RBM14: variants seen among roughly 807,000 people sequenced by gnomAD.
The protein encoded by RBM14 is RNA binding motif protein 14.
A neutral mutation model predicts 52.8 loss-of-function variants in RBM14; 5 were observed. The ratio of observed to expected loss-of-function variants is 0.09; its 90% CI spans 0.05 to 0.20. RBM14 has a LOEUF of 0.20. RBM14 is among the 10% of genes least tolerant of loss of function. RBM14 has a pLI of 1.00. For missense variants in RBM14, 780 were observed against 926.6 expected, an observed-to-expected ratio of 0.84 and a Z score of 2.05; for synonymous variants, 411 against 401.8, an observed-to-expected ratio of 1.02 and a Z score of -0.28.
Position 66,625,464 on chromosome 11 carries a change from G to T in RBM14, c.1588G>T (p.Ala530Ser). 2 of 1,613,382 alleles carry T rather than the reference G, an allele frequency of 1.2e-6. No homozygotes were observed. Among genetic ancestry groups the T allele is most frequent in the Non-Finnish European group, 1.7e-6 (2 of 1,179,878 alleles). Residue 530 changes from alanine to serine, a missense_variant, in exon 2 of 3, where the codon GCC (alanine) becomes TCC (serine). By Grantham distance (99) the Ala-to-Ser change is moderately conservative. Transcript: ENST00000310137. This position sits in a 1 kb window ranked among gnomAD's most constrained non-coding sequence, Gnocchi z 4.2. ...SSASLAASYA[A>S]QQHPQAAASY... ...AGCCTCATTGGCTGCTTCCTATGCT[G>T]CCCAGCAGCATCCCCAGGCTGCTGC...
Position 66,624,761 on chromosome 11 carries a change from G to T in RBM14, c.885G>T (p.Gln295His), listed in dbSNP as rs757031079. The change falls in exon 2 of 3, where the codon CAG (glutamine) becomes CAT (histidine). Residue 295 changes from glutamine (Q) to histidine (H), a missense_variant. This residue lies in a region of RBM14 where 675 missense variants were observed against 697.3 expected (regional missense o/e 0.97). Coordinates refer to ENST00000310137, the MANE Select transcript of RBM14 (RefSeq NM_006328.4). This position sits in a 1 kb window ranked among gnomAD's most constrained non-coding sequence, Gnocchi z 4.7. ...YRGQLASPSS[Q>H]SAAASSLGPY... ...GCCAGCTGGCTAGTCCTAGCTCCCA[G>T]TCTGCTGCAGCTTCTTCACTCGGCC... 1.9e-6 allele frequency: 3 copies of T among 1,613,948 alleles called. No individual in the cohort carries two copies. The Admixed American group carries it at 5.0e-5, about 27-fold the overall frequency.
rs762771390 is a variant in RBM14 at position 66,625,643 on chromosome 11, C to G, written c.1767C>G (p.Asp589Glu). 1 of 1,612,456 alleles carries G rather than the reference C, an allele frequency of 6.2e-7. No homozygotes were observed. Among genetic ancestry groups the G allele is most frequent in the Non-Finnish European group, 8.5e-7 (1 of 1,179,976 alleles). ...TCTCCCCACCCCGGGCCAGCTACGA[C>G]GATCCCTACAAAAAGGCTGTCGCCA... ...TRLSPPRASY[D>E]DPYKKAVAMS... Residue 589 changes from aspartate (D) to glutamate (E), a missense_variant, in exon 2 of 3, where the codon GAC becomes GAG. Around this residue, in one of 4 missense-constraint regions of RBM14, gnomAD observed 675 missense variants for 697.3 expected, o/e 0.97. Transcript: ENST00000310137. This position sits in a 1 kb window ranked among gnomAD's most constrained non-coding sequence, Gnocchi z 4.2.
chr11:66,627,160 T>A lies in RBM14; in HGVS notation c.*492T>A, dbSNP rs1283702258. Reference sequence around the variant, plus strand: ...CCCTCTGTAGACTGTTGAGACTGAGTTCCTGTTGGGACAGTCAGTTGGTAT... The same window carrying A: ...CCCTCTGTAGACTGTTGAGACTGAGATCCTGTTGGGACAGTCAGTTGGTAT... On this transcript the variant is annotated 3_prime_UTR_variant, in exon 3 of 3. Coordinates refer to ENST00000310137, the MANE Select transcript of RBM14 (RefSeq NM_006328.4). 6.5e-6 allele frequency: 1 copy of A among 153,914 alleles called. No homozygotes were observed. The highest frequency in any genetic ancestry group is 6.5e-5 in the Admixed American group (1 of 15,484). The allele number at this position is 153,914 out of a possible 1,614,324, so 9.5% of individuals were successfully genotyped here.
intron 1 of RBM14, 30 bp downstream of exon 1, chr11:66,617,087 G>C: frequency 6.4e-7 from 1 of 1,551,606 alleles, no homozygotes; most frequent in Non-Finnish European, 8.7e-7. Context: ...GGGGGCGGGG[G>C]CGCGCTCGGG....
rs1211466973 is a variant in RBM14, at chr11:66,625,062, G to A, written c.1186G>A (p.Gly396Arg). Residue 396 changes from glycine (G) to arginine (R), a missense_variant, in exon 2 of 3, where the codon GGA (glycine) becomes AGA (arginine). Gly to Arg is a moderately radical substitution (Grantham distance 125). Transcript: ENST00000310137. The surrounding 1 kb of genome is among the most constrained non-coding windows in gnomAD (Gnocchi z 4.2). ...AQSAASSLAY[G>R]AQAASYNAQP... The stretch of plus-strand genomic sequence containing the variant: ...GTCTGCAGCCTCCTCACTAGCTTAT[G>A]GAGCCCAGGCAGCTTCATATAATGC... 2 of 1,612,248 alleles carry A rather than the reference G, an allele frequency of 1.2e-6. No homozygotes were observed. Among genetic ancestry groups the A allele is most frequent in the South Asian group, 2.2e-5 (2 of 91,000 alleles).
chr11:66,617,603 C>T, intron 1 of RBM14: 2 of 979,182 alleles, frequency 2.0e-6, no homozygotes, highest in African/African-American at 3.5e-5. Flanking sequence ...TCTTGTCTGG[C>T]ATGGGTCTAC....
rs2135033403 is a variant in RBM14, at chr11:66,629,740, C to G, written c.*3072C>G. Among the ~76,000 whole-genome samples the G allele has an allele frequency of 6.6e-6, 1 of 152,060 alleles. No individual in the cohort carries two copies. The highest frequency in any genetic ancestry group is 2.1e-4 in the South Asian group (1 of 4,816). On this transcript the variant is annotated 3_prime_UTR_variant, in exon 3 of 3. Coordinates refer to ENST00000310137, the MANE Select transcript of RBM14 (RefSeq NM_006328.4). ...GTTTTCCAGAAAATAATTCTTAAAA[C>G]TGGGTTTTATGTCTAGATTTAAATC...
At chr11:66,617,377 C>T (rs767883902) in intron 1 of RBM14, 443 of 1,175,714 alleles carry the variant, frequency 3.8e-4, no homozygotes, top group Non-Finnish European at 4.3e-4. Flanking sequence ...GCCTGGCACC[C>T]AGCGGAAATT....
rs1305313947 is a variant in RBM14, at chr11:66,617,332, G to C, written c.337+275G>C. ...GGGGACGCGCCTGAGAGCCTTGCGAGTGTTCCGGGGGCGCGCCTTCTCCTG... is the reference window on the plus strand; with the variant it reads ...GGGGACGCGCCTGAGAGCCTTGCGACTGTTCCGGGGGCGCGCCTTCTCCTG... On this transcript the variant is annotated intron_variant, in intron 1 of 2. Coordinates refer to ENST00000310137, the MANE Select transcript of RBM14 (RefSeq NM_006328.4). The C allele has an allele frequency of 8.6e-6, 11 of 1,272,198 alleles. No individual in the cohort carries two copies. The Admixed American group carries it at 1.1e-4, about 13-fold the overall frequency. The allele number at this position is 1,272,198 out of a possible 1,614,324, so 78.8% of individuals were successfully genotyped here.
intron 1 of RBM14, among the ~76,000 whole-genome samples, chr11:66,621,109 C>A (rs560563799): frequency 3.3e-5 from 5 of 151,942 alleles, no homozygotes; most frequent in Admixed American, 6.6e-5. Flanking sequence ...GAGCTCAAGC[C>A]ATCCTTCCAC....
intron 1 of RBM14, chr11:66,623,941 G>C: frequency 1.4e-6 from 1 of 721,122 alleles, no homozygotes; most frequent in Non-Finnish European, 2.6e-6. Flanking sequence ...GTTCATCTTT[G>C]CTCCTTCTTC....
intron 1 of RBM14, among the ~76,000 whole-genome samples, chr11:66,623,269 C>T (rs749936979): frequency 1.3e-5 from 2 of 152,208 alleles, no homozygotes; most frequent in Non-Finnish European, 2.9e-5. Context: ...GTGGAGGATG[C>T]AGTGTGGTCT....
chr11:66,625,370 T>C lies in RBM14; in HGVS notation c.1494T>C (p.Tyr498=). 2 of 1,611,126 alleles carry C rather than the reference T, an allele frequency of 1.2e-6. No individual in the cohort carries two copies. Among genetic ancestry groups the C allele is most frequent in the Non-Finnish European group, 1.7e-6 (2 of 1,179,196 alleles). The change falls in exon 2 of 3, where the codon TAT becomes TAC. Residue 498 remains tyrosine (Y), a synonymous_variant. Transcript: ENST00000310137. The surrounding 1 kb of genome is among the most constrained non-coding windows in gnomAD (Gnocchi z 4.2). ...AQSAAAATGS[Y]GAAAAYGAQP... ...CGGCTGCTGCGGCCACTGGCTCCTA[T>C]GGTGCCGCAGCAGCCTACGGGGCCC...
In RBM14 at chr11:66,625,719, A is replaced by G; in HGVS notation, c.1802+41A>G. 1 of 1,474,648 alleles carries G rather than the reference A, an allele frequency of 6.8e-7. No individual in the cohort carries two copies. Among genetic ancestry groups the G allele is most frequent in the Non-Finnish European group, 9.2e-7 (1 of 1,085,346 alleles). 91.3% of individuals were successfully genotyped at this position (1,474,648 alleles called of 1,614,324 possible). ...CCGCCTCTGCCCCCAGCTGGGGCTT[A>G]GGGCAAGGGGCTGAGGTTGGCATGG... is the stretch of plus-strand genomic sequence containing the variant. On this transcript the variant is annotated intron_variant, in intron 2 of 2. Coordinates refer to ENST00000310137, the MANE Select transcript of RBM14 (RefSeq NM_006328.4). This position sits in a 1 kb window ranked among gnomAD's most constrained non-coding sequence, Gnocchi z 4.2.
rs543247447 is a variant in RBM14 at position 66,616,894 on chromosome 11, C to T, written c.174C>T (p.His58=). The part of the protein sequence containing the change: ...ALRAIEALHG[H]ELRPGRALVV... The stretch of plus-strand genomic sequence containing the variant: ...GCGCCATCGAAGCCCTGCACGGCCA[C>T]GAGCTGCGGCCGGGGCGCGCGCTCG... Residue 58 remains histidine, a synonymous_variant, in exon 1 of 3, where the codon CAC becomes CAT. Transcript: ENST00000310137. The T allele has an allele frequency of 8.1e-6, 13 of 1,611,664 alleles. No individual in the cohort carries two copies. Among genetic ancestry groups the T allele is most frequent in the African/African-American group, 1.3e-5 (1 of 74,992 alleles).
intron 1 of RBM14, among the ~76,000 whole-genome samples, chr11:66,617,885 T>A (rs1858915662): frequency 6.6e-6 from 1 of 151,994 alleles, no homozygotes; most frequent in Non-Finnish European, 1.5e-5. Context: ...GCTTGGTGAC[T>A]TTGCAGGGGG....
At position 66,628,261 on chromosome 11, in the gene RBM14, T is replaced by G. The variant is rs972454961; in HGVS notation, c.*1593T>G. Among the ~76,000 whole-genome samples, 1 of 152,134 alleles carries G rather than the reference T, an allele frequency of 6.6e-6. No individual in the cohort carries two copies. Among genetic ancestry groups the G allele is most frequent in the African/African-American group, 2.4e-5 (1 of 41,430 alleles). On this transcript the variant is annotated 3_prime_UTR_variant, in exon 3 of 3. Coordinates refer to ENST00000310137, the MANE Select transcript of RBM14 (RefSeq NM_006328.4). ...ATGGAAGACTGGTTGAGTGGGATGATAATGGGAGAACTTACTGATGCTCTT... is the reference window on the plus strand; with the variant it reads ...ATGGAAGACTGGTTGAGTGGGATGAGAATGGGAGAACTTACTGATGCTCTT...
chr11:66,619,052 G>A (rs1157115253), intron 1 of RBM14: 2 of 154,748 alleles, frequency 1.3e-5, no homozygotes, highest in African/African-American at 4.8e-5. Context: ...GACATACTTC[G>A]ATGTAAGAGA....
At chr11:66,622,548 T>C (rs1181584429) in intron 1 of RBM14, among the ~76,000 whole-genome samples, 2 of 152,186 alleles carry the variant, frequency 1.3e-5, no homozygotes, top group Non-Finnish European at 1.5e-5. Flanking sequence ...CCTAAGATCT[T>C]ATAACAAGTC....
Sources: gnomAD v4.1 joint callset for allele counts (sites outside exome capture counted in the v4.1 genomes callset) on GRCh38, gnomAD v4.1.1 for gene constraint, gnomAD v4.1.1 regional missense constraint, Gnocchi (gnomAD v3.1) non-coding constraint, MANE v1.5 for transcripts, NCBI Gene and HGNC (gene_info 2026-07-23, HGNC 2026-07-21) for gene names.